The following ITGAV variants were observed in gnomAD, a reference collection of about 807,000 sequenced individuals.
The protein encoded by ITGAV is integrin subunit alpha V.
A neutral mutation model predicts 143.8 loss-of-function variants in ITGAV; 76 were observed. The observed-to-expected ratio is 0.53, with a 90% confidence interval of 0.44 to 0.64. The LOEUF is 0.64. ITGAV is among the 30% of genes least tolerant of loss of function. The pLI is 0.00. For missense variants in ITGAV, 1,193 were observed against 1,274.7 expected (o/e 0.94, Z 0.98); for synonymous variants, 453 against 446.7 (o/e 1.01, Z -0.18).
Position 186,677,928 on chromosome 2 carries a change from T to C in ITGAV, c.*636T>C, listed in dbSNP as rs1689259686. 6.6e-6 allele frequency: 1 copy of C among 152,540 alleles called. No homozygotes were observed. The highest frequency in any genetic ancestry group is 1.5e-5 in the Non-Finnish European group (1 of 67,974). 9.4% of individuals were successfully genotyped at this position (152,540 alleles called of 1,614,324 possible). ...TGGTAGATCCTATTACACTTCTGTT[T>C]ATATTAAATCCACAATATTTTATTA... On this transcript the variant is annotated 3_prime_UTR_variant, in exon 30 of 30. Coordinates refer to ENST00000261023, the MANE Select transcript of ITGAV (RefSeq NM_002210.5).
chr2:186,648,936 A>G (rs560772429), intron 13 of ITGAV, among the ~76,000 whole-genome samples: 31 of 148,740 alleles, frequency 2.1e-4, no homozygotes, highest in Middle Eastern at 3.6e-3. Flanking sequence ...ATACATTTGT[A>G]TATATATACA....
At chr2:186,591,114 C>T (rs1686604711) in intron 1 of ITGAV, among the ~76,000 whole-genome samples, 2 of 152,168 alleles carry the variant, frequency 1.3e-5, no homozygotes, top group African/African-American at 2.4e-5. Flanking sequence ...GACATTTGCA[C>T]ATTTGAGGTT....
At position 186,668,893 on chromosome 2, in the gene ITGAV, T is replaced by C. The variant is rs764023663; in HGVS notation, c.2565T>C (p.Asp855=). ...ATGGACCAATGAACTGCACTTCAGA[T>C]ATGGAGATCAACCCTTTGAGAATTA... ...DIDGPMNCTS[D]MEINPLRIKI... is the part of the protein sequence containing the mutation. Residue 855 remains aspartate (D), a synonymous_variant, in exon 25 of 30, where the codon GAT becomes GAC. Transcript: ENST00000261023. 5 of 1,611,816 alleles carry C rather than the reference T, an allele frequency of 3.1e-6. No individual in the cohort carries two copies. The highest frequency in any genetic ancestry group is 4.2e-6 in the Non-Finnish European group (5 of 1,179,156).
At chr2:186,674,586 A>G (rs1455364137) in intron 26 of ITGAV, among the ~76,000 whole-genome samples, 2 of 151,804 alleles carry the variant, frequency 1.3e-5, no homozygotes, top group African/African-American at 4.8e-5. Context: ...ATCTTGGCTT[A>G]CTGCAACTTC....
intron 12 of ITGAV, among the ~76,000 whole-genome samples, chr2:186,642,146 T>A (rs1253245190): frequency 1.3e-5 from 2 of 152,224 alleles, no homozygotes; most frequent in Non-Finnish European, 2.9e-5. Context: ...ATTTTAATAG[T>A]TGTCGATATC....
intron 12 of ITGAV, among the ~76,000 whole-genome samples, chr2:186,644,388 C>T (rs1275266617): frequency 2.6e-5 from 4 of 151,676 alleles, no homozygotes; most frequent in South Asian, 2.1e-4. Flanking sequence ...TGCAGTGGCA[C>T]GATATCGGCT....
intron 21 of ITGAV, among the ~76,000 whole-genome samples, chr2:186,666,012 C>G (rs1358361728): frequency 6.6e-6 from 1 of 152,084 alleles, no homozygotes; most frequent in African/African-American, 2.4e-5. Context: ...TTTATTTTCT[C>G]ATATTCTCAT....
chr2:186,618,901 G>T (rs1321774078), intron 2 of ITGAV, among the ~76,000 whole-genome samples: 1 of 152,030 alleles, frequency 6.6e-6, no homozygotes, highest in East Asian at 1.9e-4. Context: ...CCCACTACTA[G>T]GCATTTATCC....
chr2:186,626,189 G>A (rs1687671577), intron 4 of ITGAV, among the ~76,000 whole-genome samples: 1 of 151,910 alleles, frequency 6.6e-6, no homozygotes, highest in African/African-American at 2.4e-5. Context: ...ACCCCTTTTT[G>A]GTGATCCAGA....
At chr2:186,665,046 C>A in intron 20 of ITGAV, 80 bp from the exon 21 acceptor site, 1 of 933,692 alleles carries the variant, frequency 1.1e-6, no homozygotes, top group Non-Finnish European at 1.6e-6. Context: ...TTGCTTAGGA[C>A]AAGAAACTGA....
chr2:186,632,695 C>T (rs1236490509), intron 5 of ITGAV, among the ~76,000 whole-genome samples: 1 of 151,880 alleles, frequency 6.6e-6, no homozygotes, highest in African/African-American at 2.4e-5. Flanking sequence ...TTTCCTTTAG[C>T]AGAAAATTCT....
rs775092026 is a variant in ITGAV, at chr2:186,636,126, G to A, written c.676G>A (p.Asp226Asn). The change falls in exon 7 of 30, where the codon GAC becomes AAC. Residue 226 changes from aspartate (D) to asparagine (N), a missense_variant. Asp to Asn is a conservative substitution (Grantham distance 23, BLOSUM62 1). Transcript: ENST00000261023. Reference protein sequence around the residue: ...DQVAEIVSKYDPNVYSIKYNN... With the variant: ...DQVAEIVSKYNPNVYSIKYNN... The stretch of plus-strand genomic sequence containing the variant: ...AGTGGCAGAAATCGTATCTAAATAC[G>A]ACCCCAATGTTTACAGCATCAAGTA... 2 of 1,612,676 alleles carry A rather than the reference G, an allele frequency of 1.2e-6. No homozygotes were observed. Among genetic ancestry groups the A allele is most frequent in the African/African-American group, 1.3e-5 (1 of 74,794 alleles).
In ITGAV at chr2:186,679,364, C is replaced by G. The variant is rs1477684046; in HGVS notation, c.*2072C>G. ...TGTAATTTAGAAATTAACATGATAT[C>G]TTAAATTACCTTTATGAAATATAGT... On this transcript the variant is annotated 3_prime_UTR_variant, in exon 30 of 30. Transcript: ENST00000261023. The G allele has an allele frequency of 6.6e-6, 1 of 151,874 alleles. No individual in the cohort carries two copies. Among genetic ancestry groups the G allele is most frequent in the Admixed American group, 6.6e-5 (1 of 15,246 alleles). The allele number at this position is 151,874 out of a possible 1,614,324, so 9.4% of individuals were successfully genotyped here.
intron 3 of ITGAV, among the ~76,000 whole-genome samples, chr2:186,623,526 A>G (rs1310679617): frequency 6.6e-6 from 1 of 151,962 alleles, no homozygotes; most frequent in Non-Finnish European, 1.5e-5. Flanking sequence ...TGCTTCCTCT[A>G]ACTACAACTT....
intron 2 of ITGAV, among the ~76,000 whole-genome samples, chr2:186,621,226 T>A (rs943861354): frequency 2.6e-5 from 4 of 152,228 alleles, no homozygotes; most frequent in Non-Finnish European, 4.4e-5. Flanking sequence ...TTCAAACTTA[T>A]AGAAAATTTC....
chr2:186,656,094 TGTA>T (rs1443947893), intron 16 of ITGAV, among the ~76,000 whole-genome samples, 150 bp from the exon 17 acceptor site: 3 of 152,142 alleles, frequency 2.0e-5, no homozygotes, highest in Non-Finnish European at 4.4e-5. Context: ...ATTAATATGT[TGTA>T]GTCTCATTAC....
chr2:186,633,385 AT>A lies in ITGAV; in HGVS notation c.631+17del. On this transcript the variant is annotated intron_variant, in intron 6 of 29. Coordinates refer to ENST00000261023, the MANE Select transcript of ITGAV (RefSeq NM_002210.5). ...GCTTTTATTGGCAAGGTAGGTTAAT[AT>A]TTTTTAAATTACAATTGGTGACTAT... 1 of 1,527,808 alleles carries A rather than the reference AT, an allele frequency of 6.5e-7. No homozygotes were observed. The highest frequency in any genetic ancestry group is 1.7e-5 in the Admixed American group (1 of 58,910). The allele number at this position is 1,527,808 out of a possible 1,614,324, so 94.6% of individuals were successfully genotyped here. A position where few individuals can be genotyped will look rare whatever the true frequency, so the allele number is the denominator to read the frequency against.
chr2:186,594,456 T>C (rs937397725), intron 1 of ITGAV, among the ~76,000 whole-genome samples: 2 of 152,204 alleles, frequency 1.3e-5, no homozygotes, highest in Admixed American at 1.3e-4. Flanking sequence ...CTTGATTCCA[T>C]CTCTGCTTTC....
chr2:186,636,092 T>A lies in ITGAV; in HGVS notation c.642T>A (p.Ile214=), dbSNP rs1687938842. ...PGSFYWQGQL[I]SDQVAEIVSK... is the part of the protein sequence containing the mutation. ...TACACCCTTTTTTAGGTCAGCTTAT[T>A]TCGGATCAAGTGGCAGAAATCGTAT... is the stretch of plus-strand genomic sequence containing the variant. The change falls in exon 7 of 30, where the codon ATT becomes ATA. Residue 214 remains isoleucine (I), a synonymous_variant. Coordinates refer to ENST00000261023, the MANE Select transcript of ITGAV (RefSeq NM_002210.5). The A allele has an allele frequency of 6.2e-7, 1 of 1,612,684 alleles. No individual in the cohort carries two copies. Among genetic ancestry groups the A allele is most frequent in the South Asian group, 1.1e-5 (1 of 90,814 alleles).
Sources: allele counts gnomAD v4.1 joint callset (sites outside exome capture counted in the v4.1 genomes callset), GRCh38; gene constraint gnomAD v4.1.1; transcripts MANE v1.5; gene names NCBI Gene and HGNC (gene_info 2026-07-23, HGNC 2026-07-21).